The following SUPT3H variants were observed in gnomAD, a reference collection of about 807,000 sequenced individuals.
SUPT3H encodes transcription initiation protein SPT3 homolog.
Under a neutral mutation model 44.3 loss-of-function variants are expected in SUPT3H, and 44 were observed. The ratio of observed to expected loss-of-function variants is 0.99; its 90% CI spans 0.78 to 1.28. The LOEUF is 1.28. Among genes scored for constraint, SUPT3H ranks in the 50% most tolerant of loss-of-function variants. SUPT3H has a pLI of 0.00. For synonymous variants in SUPT3H, 124 were observed against 125.6 expected (o/e 0.99, Z 0.09); for missense variants, 380 against 387.1 (o/e 0.98, Z 0.15).
intron 10 of SUPT3H, among the ~76,000 whole-genome samples, chr6:44,914,466 A>G (rs1025510364): frequency 1.4e-4 from 21 of 152,184 alleles, no homozygotes; most frequent in Admixed American, 1.0e-3. Flanking sequence ...TATTATTTCA[A>G]AACAGGTATT....
At position 44,829,748 on chromosome 6, in the gene SUPT3H, G is replaced by T; in HGVS notation, c.*68C>A. The T allele has an allele frequency of 3.2e-6, 5 of 1,545,464 alleles. No homozygotes were observed. The highest frequency in any genetic ancestry group is 4.4e-6 in the Non-Finnish European group (5 of 1,126,220). Reference sequence around the variant, plus strand: ...GAAAGGTAAATTTGTATTTTATTTTGTTCACAAGAAATCACCTTAATATAA... The same window carrying T: ...GAAAGGTAAATTTGTATTTTATTTTTTTCACAAGAAATCACCTTAATATAA... On this transcript the variant is annotated 3_prime_UTR_variant, in exon 11 of 11. Transcript: ENST00000371459.
At chr6:45,162,772 G>A (rs1343822356) in intron 2 of SUPT3H, among the ~76,000 whole-genome samples, 1 of 152,110 alleles carries the variant, frequency 6.6e-6, no homozygotes, top group Non-Finnish European at 1.5e-5. Context: ...CTTGTTCATA[G>A]TGATAGATAA....
rs1241222926 is a variant in SUPT3H at position 44,815,081 on chromosome 6, T to G, written c.*53-5580A>C. 7.2e-5 allele frequency among the ~76,000 whole-genome samples: 11 copies of G among 152,266 alleles called. No homozygotes were observed. In the East Asian group the frequency reaches 2.1e-3, roughly 29 times the overall value. Reference sequence around the variant, plus strand: ...GTATGTACTTTATGAACATATTGTGTGTGTGTGTATGTGTGCATGTGTGTA... The same window carrying G: ...GTATGTACTTTATGAACATATTGTGGGTGTGTGTATGTGTGCATGTGTGTA... On this transcript the variant is annotated intron_variant and NMD_transcript_variant, in intron 11 of 11. Coordinates refer to the SUPT3H transcript ENST00000475057.
At chr6:45,306,812 G>A (rs561511090) in intron 2 of SUPT3H, among the ~76,000 whole-genome samples, 6 of 152,316 alleles carry the variant, frequency 3.9e-5, no homozygotes, top group Non-Finnish European at 5.9e-5. Context: ...GCAGCCCACT[G>A]AGCGTGAGCC....
At chr6:45,124,475 C>CG (rs1562505505) in intron 2 of SUPT3H, among the ~76,000 whole-genome samples, 1 of 151,136 alleles carries the variant, frequency 6.6e-6, no homozygotes, top group Non-Finnish European at 1.5e-5. Context: ...GAAACCCCCC[C>CG]CTCTACTAAA....
At chr6:45,212,700 G>C (rs1363148181) in intron 2 of SUPT3H, among the ~76,000 whole-genome samples, 1 of 152,072 alleles carries the variant, frequency 6.6e-6, no homozygotes, top group Non-Finnish European at 1.5e-5. Context: ...TCTGTCTTCA[G>C]GGCTGACAAT....
chr6:45,041,670 C>T (rs534014608), intron 3 of SUPT3H, among the ~76,000 whole-genome samples: 1 of 152,286 alleles, frequency 6.6e-6, no homozygotes, highest in South Asian at 2.1e-4. Context: ...AAAAAACATG[C>T]CATTTTTCTT....
At chr6:44,886,820 G>T (rs1762370625) in intron 10 of SUPT3H, among the ~76,000 whole-genome samples, 1 of 152,086 alleles carries the variant, frequency 6.6e-6, no homozygotes, top group Admixed American at 6.6e-5. Flanking sequence ...GACACAGACT[G>T]GCAAATTGGA....
rs62436416 is a variant in SUPT3H, at chr6:45,012,422, A to G, written c.364+2379T>C. 6.9e-3 allele frequency among the ~76,000 whole-genome samples: 1,054 copies of G among 152,108 alleles called. 8 individuals are homozygous for G. The highest frequency in any genetic ancestry group is 8.7e-3 in the Non-Finnish European group (589 of 67,966). On this transcript the variant is annotated intron_variant, in intron 5 of 10. Coordinates refer to ENST00000371459, the MANE Select transcript of SUPT3H (RefSeq NM_003599.4). ...TCAAGTTCAGATTCTTTCTTCTGCC[A>G]GCTGAAAACAACTATTGAGCCCTTC...
At chr6:45,376,658 T>C (rs957313145) in intron 1 of SUPT3H, among the ~76,000 whole-genome samples, 7 of 152,222 alleles carry the variant, frequency 4.6e-5, no homozygotes, top group Non-Finnish European at 4.4e-5. Context: ...CATAGCACAA[T>C]GAAGAGCATT....
At chr6:44,956,800 C>T (rs1775289607) in intron 7 of SUPT3H, among the ~76,000 whole-genome samples, 1 of 152,162 alleles carries the variant, frequency 6.6e-6, no homozygotes, top group Non-Finnish European at 1.5e-5. Context: ...CTTGATCATA[C>T]AGGCCAAAGG....
chr6:44,936,828 G>A (rs930589693), intron 9 of SUPT3H, among the ~76,000 whole-genome samples: 1 of 151,912 alleles, frequency 6.6e-6, no homozygotes, highest in Non-Finnish European at 1.5e-5. Flanking sequence ...TACCGCACCT[G>A]GCTTATTTTT....
At chr6:45,079,254 G>A (rs1199021645) in intron 3 of SUPT3H, among the ~76,000 whole-genome samples, 1 of 152,064 alleles carries the variant, frequency 6.6e-6, no homozygotes, top group Non-Finnish European at 1.5e-5. Context: ...AGGTTGCAGT[G>A]AGCTGAGATC....
chr6:45,098,667 T>C, intron 3 of SUPT3H: 1 of 338,536 alleles, frequency 3.0e-6, no homozygotes, highest in South Asian at 2.5e-5. Context: ...GCTTCAATCA[T>C]GCCCCATCTG....
intron 2 of SUPT3H, among the ~76,000 whole-genome samples, chr6:45,234,118 C>G (rs1377614833): frequency 2.0e-5 from 3 of 152,088 alleles, no homozygotes; most frequent in Non-Finnish European, 4.4e-5. Flanking sequence ...TCCCCTTTTC[C>G]TATGTAAATA....
At chr6:45,176,490 G>A (rs1246095612) in intron 2 of SUPT3H, among the ~76,000 whole-genome samples, 10 of 148,600 alleles carry the variant, frequency 6.7e-5, no homozygotes, top group Non-Finnish European at 3.0e-5. Flanking sequence ...CGGCAGCGAG[G>A]CTGGGGGAGG....
chr6:45,319,736 T>A (rs898148043), intron 2 of SUPT3H, among the ~76,000 whole-genome samples: 2 of 152,134 alleles, frequency 1.3e-5, no homozygotes, highest in East Asian at 3.8e-4. Context: ...CATAGTAATA[T>A]CAAATATAAC....
At chr6:45,042,172 C>T (rs1315493770) in intron 3 of SUPT3H, among the ~76,000 whole-genome samples, 4 of 152,130 alleles carry the variant, frequency 2.6e-5, no homozygotes, top group African/African-American at 9.7e-5. Context: ...CCTATAATCC[C>T]AGCACTTTGG....
chr6:44,996,295 ATTTATT>A (rs995308191), intron 6 of SUPT3H, among the ~76,000 whole-genome samples: 63 of 151,860 alleles, frequency 4.1e-4, no homozygotes, highest in African/African-American at 1.4e-3. Context: ...TACTTTATAT[ATTTATT>A]TTTATTTCTT....
Sources: allele counts gnomAD v4.1 joint callset (sites outside exome capture counted in the v4.1 genomes callset), GRCh38; gene constraint gnomAD v4.1.1; transcripts MANE v1.5; gene names NCBI Gene and HGNC (gene_info 2026-07-23, HGNC 2026-07-21).